The following LINGO2 variants were observed in gnomAD, a reference collection of about 807,000 sequenced individuals.
LINGO2 encodes leucine-rich repeat and immunoglobulin-like domain-containing nogo receptor-interacting protein 2.
LINGO2 carries 14 observed loss-of-function variants against 30.6 expected under a neutral mutation model. The ratio of observed to expected loss-of-function variants is 0.46; its 90% confidence interval spans 0.30 to 0.72. The LOEUF is 0.72. LINGO2 is among the 30% of genes least tolerant of loss of function. The probability of loss-of-function intolerance (pLI) is 0.07; values close to 1 mark genes in which losing one functional copy is unlikely to be tolerated. For synonymous variants in LINGO2, 317 were observed against 288.5 expected (o/e 1.10, Z -1.00); for missense variants, 729 against 751.7 (o/e 0.97, Z 0.35).
At chr9:28,018,829 C>A (rs10812725) in intron 4 of LINGO2, among the ~76,000 whole-genome samples, 5 of 152,074 alleles carry the variant, frequency 3.3e-5, no homozygotes, top group South Asian at 2.1e-4. Flanking sequence ...ACCCAGCAAC[C>A]CATTATTGGG....
At chr9:28,997,011 A>G in the LINGO2 span, among the ~76,000 whole-genome samples, 1,185 of 152,318 alleles carry the variant, frequency 7.8e-3, 15 homozygotes, top group African/African-American at 0.027. Context: ...ACTGCAAATT[A>G]GATATTAGTA....
At chr9:28,775,562 T>C in the LINGO2 span, among the ~76,000 whole-genome samples, 1 of 152,166 alleles carries the variant, frequency 6.6e-6, no homozygotes. Flanking sequence ...TTTTTGGGCC[T>C]CAAACTTCCT....
chr9:28,354,715 A>T (rs889439364), intron 3 of LINGO2, among the ~76,000 whole-genome samples: 1 of 152,310 alleles, frequency 6.6e-6, no homozygotes, highest in Non-Finnish European at 1.5e-5. Flanking sequence ...TACACATTTT[A>T]AAACATTTTT....
the LINGO2 span, among the ~76,000 whole-genome samples, chr9:28,691,664 T>C: frequency 1.3e-5 from 2 of 152,196 alleles, no homozygotes. Flanking sequence ...ATCTTGAGAA[T>C]CTTGGATAAC....
At chr9:28,180,475 AT>A (rs201668949) in intron 4 of LINGO2, among the ~76,000 whole-genome samples, 2,977 of 152,280 alleles carry the variant, frequency 0.02, 63 homozygotes, top group Middle Eastern at 0.034. Flanking sequence ...TACGGTCATT[AT>A]TTGGCAAAAG....
At chr9:29,138,726 G>A in the LINGO2 span, among the ~76,000 whole-genome samples, 1 of 151,852 alleles carries the variant, frequency 6.6e-6, no homozygotes, top group Non-Finnish European at 1.5e-5. Flanking sequence ...AACAGTGTAG[G>A]CCTCAGTGTG....
At chr9:28,027,424 C>A (rs78856375) in intron 4 of LINGO2, among the ~76,000 whole-genome samples, 1,649 of 152,218 alleles carry the variant, frequency 0.011, 36 homozygotes, top group African/African-American at 0.038. Flanking sequence ...CAATAACAAT[C>A]TCTTGTGTGC....
chr9:28,615,746 T>C (rs1404146411), intron 1 of LINGO2, among the ~76,000 whole-genome samples: 1 of 152,152 alleles, frequency 6.6e-6, no homozygotes, highest in Non-Finnish European at 1.5e-5. Flanking sequence ...GGTGAGGTAA[T>C]TAAAAAGCTA....
intron 4 of LINGO2, among the ~76,000 whole-genome samples, chr9:28,102,215 TG>T (rs1826439040): frequency 6.6e-6 from 1 of 151,658 alleles, no homozygotes; most frequent in East Asian, 1.9e-4. Flanking sequence ...GGTGGGACTA[TG>T]GGAAAAGACA....
At chr9:28,409,373 T>C (rs1412067760) in intron 2 of LINGO2, among the ~76,000 whole-genome samples, 1 of 152,088 alleles carries the variant, frequency 6.6e-6, no homozygotes, top group Non-Finnish European at 1.5e-5. Context: ...ATCCTATCCA[T>C]TTCTTACGAT....
the LINGO2 span, among the ~76,000 whole-genome samples, chr9:28,683,892 A>G: frequency 6.6e-6 from 1 of 152,204 alleles, no homozygotes; most frequent in Non-Finnish European, 1.5e-5. Flanking sequence ...TCTTTCCCGC[A>G]TTGTAGCCAT....
the LINGO2 span, among the ~76,000 whole-genome samples, chr9:28,824,379 A>G: frequency 6.6e-6 from 1 of 152,170 alleles, no homozygotes; most frequent in African/African-American, 2.4e-5. Flanking sequence ...GGCAAATTTA[A>G]CAAGTGTGAC....
intron 1 of LINGO2, among the ~76,000 whole-genome samples, chr9:28,658,921 A>G (rs1828473493): frequency 6.6e-6 from 1 of 152,134 alleles, no homozygotes; most frequent in African/African-American, 2.4e-5. Flanking sequence ...TAAGAGATAT[A>G]ATGCCTCAAA....
chr9:28,694,958 T>TG, the LINGO2 span, among the ~76,000 whole-genome samples: 1 of 151,726 alleles, frequency 6.6e-6, no homozygotes, highest in African/African-American at 2.4e-5. Context: ...GACTGTTTTT[T>TG]TTTTTTTTTA....
At chr9:29,055,866 T>C in the LINGO2 span, among the ~76,000 whole-genome samples, 4 of 149,972 alleles carry the variant, frequency 2.7e-5, no homozygotes, top group Non-Finnish European at 5.9e-5. Context: ...TCTCCAACTC[T>C]ATCCAGGTTG....
At chr9:27,995,624 CAAT>C (rs1207911052) in intron 5 of LINGO2, among the ~76,000 whole-genome samples, 2 of 152,138 alleles carry the variant, frequency 1.3e-5, no homozygotes, top group Non-Finnish European at 2.9e-5. Flanking sequence ...TTGATGATCT[CAAT>C]AAATGCCAAA....
chr9:28,562,457 CAAAAAAAA>C (rs56998877), intron 1 of LINGO2, among the ~76,000 whole-genome samples: 34 of 109,206 alleles, frequency 3.1e-4, no homozygotes, highest in African/African-American at 1.2e-3. Flanking sequence ...CATTTACTTT[CAAAAAAAA>C]AAAAAAAAAA....
chr9:28,464,459 C>T (rs1048668626), intron 2 of LINGO2, among the ~76,000 whole-genome samples: 4 of 152,118 alleles, frequency 2.6e-5, no homozygotes, highest in Non-Finnish European at 4.4e-5. Flanking sequence ...ACATGGCTGT[C>T]ATCCTCAATG....
chr9:28,167,612 CCT>C (rs1428254894), intron 4 of LINGO2, among the ~76,000 whole-genome samples: 8 of 152,290 alleles, frequency 5.3e-5, no homozygotes, highest in African/African-American at 1.4e-4. Context: ...GCCTGGAACC[CCT>C]GTGCTCAAGT....
Sources: gnomAD v4.1 joint callset for allele counts (sites outside exome capture counted in the v4.1 genomes callset) on GRCh38, gnomAD v4.1.1 for gene constraint, MANE v1.5 for transcripts, NCBI Gene and HGNC (gene_info 2026-07-23, HGNC 2026-07-21) for gene names.